SPATA13: variants seen among roughly 807,000 people sequenced by gnomAD.
The protein encoded by SPATA13 is spermatogenesis-associated protein 13.
A neutral mutation model predicts 104.0 loss-of-function variants in SPATA13; 50 were observed. The observed-to-expected ratio is 0.48, with a 90% confidence interval of 0.38 to 0.61. The LOEUF (loss-of-function observed/expected upper bound fraction) is 0.61. Among genes scored for constraint, SPATA13 ranks in the 20% least tolerant of loss-of-function variants. The pLI, the probability that SPATA13 is intolerant of heterozygous loss-of-function variation, is 0.00. For missense variants in SPATA13, 1,524 were observed against 1,690.6 expected, an observed-to-expected ratio of 0.90 and a Z score of 1.73; for synonymous variants, 606 against 667.5, an observed-to-expected ratio of 0.91 and a Z score of 1.42.
rs139571252 is a variant in SPATA13, at chr13:24,014,011, C to G, written c.-146-3656C>G. Among the ~76,000 whole-genome samples the G allele has an allele frequency of 2.0e-3, 300 of 152,238 alleles. 2 individuals carry two copies. Among genetic ancestry groups the G allele is most frequent in the African/African-American group, 7.1e-3 (293 of 41,544 alleles). On this transcript the variant is annotated intron_variant, in intron 2 of 14. Transcript: ENST00000424834. The stretch of plus-strand genomic sequence containing the variant: ...AGAGTCAGAGCCTCCAAACCCGTCA[C>G]GCAAAGGGGCTGTATACGCTTGCTA...
At chr13:24,267,121 A>G (rs1214689411) in intron 4 of SPATA13, among the ~76,000 whole-genome samples, 2 of 152,036 alleles carry the variant, frequency 1.3e-5, no homozygotes, top group Non-Finnish European at 1.5e-5. Flanking sequence ...TTCTTCCAAA[A>G]CTATCTTAGA....
chr13:24,254,699 G>T (rs78683705), intron 4 of SPATA13, among the ~76,000 whole-genome samples: 10,643 of 152,298 alleles, frequency 0.07, 621 homozygotes, highest in African/African-American at 0.15. Context: ...GCAAGGGGCT[G>T]TCTGGTTCCT....
intron 3 of SPATA13, among the ~76,000 whole-genome samples, chr13:24,132,844 C>T (rs1360408533): frequency 6.6e-6 from 1 of 152,116 alleles, no homozygotes; most frequent in Non-Finnish European, 1.5e-5. Context: ...CGTGGTGGCA[C>T]ACGTCTGTAG....
chr13:24,108,645 G>A (rs1304906350), intron 3 of SPATA13, among the ~76,000 whole-genome samples: 2 of 108,798 alleles, frequency 1.8e-5, no homozygotes, highest in Non-Finnish European at 3.8e-5. Context: ...GTAAATGCCG[G>A]CTGCTTTTCA....
intron 3 of SPATA13, among the ~76,000 whole-genome samples, chr13:24,086,759 G>A (rs1358964187): frequency 1.3e-5 from 2 of 152,118 alleles, no homozygotes; most frequent in Non-Finnish European, 1.5e-5. Context: ...CAGCAGAAGC[G>A]GGTGCAGAGC....
At chr13:24,037,781 G>A (rs1471860780) in intron 3 of SPATA13, among the ~76,000 whole-genome samples, 2 of 151,954 alleles carry the variant, frequency 1.3e-5, no homozygotes, top group African/African-American at 4.8e-5. Flanking sequence ...TCTGGGGTTC[G>A]TGGATTAGCT....
intron 3 of SPATA13, among the ~76,000 whole-genome samples, chr13:24,074,517 A>T (rs930384333): frequency 2.0e-5 from 3 of 149,008 alleles, no homozygotes; most frequent in Non-Finnish European, 3.0e-5. Flanking sequence ...ACTGTCCCTT[A>T]TGCAGCACTT....
At chr13:24,270,993 C>T (rs1310646196) in intron 4 of SPATA13, 4 of 469,656 alleles carry the variant, frequency 8.5e-6, no homozygotes, top group South Asian at 6.3e-5. Context: ...AGTTCTTCCC[C>T]TCTCTCTCTC....
intron 3 of SPATA13, among the ~76,000 whole-genome samples, chr13:24,055,098 G>A (rs568760085): frequency 2.6e-5 from 4 of 152,234 alleles, no homozygotes; most frequent in Non-Finnish European, 5.9e-5. Context: ...GCCTCCAGCA[G>A]CCTGAAGGTT....
Position 24,286,506 on chromosome 13 carries a change from T to G in SPATA13, c.2481+113T>G. The G allele has an allele frequency of 1.7e-6, 2 of 1,159,374 alleles. No individual in the cohort carries two copies. 71.8% of individuals were successfully genotyped at this position (1,159,374 alleles called of 1,614,324 possible). A position where few individuals can be genotyped will look rare whatever the true frequency, so the allele number is the denominator to read the frequency against. ...GCTCTTTTGTAATTGATATCTGACA[T>G]GCAAGTCACACCTGTAAGAAATTAG... On this transcript the variant is annotated intron_variant, in intron 6 of 12. Transcript: ENST00000382108. The surrounding 1 kb of genome is among the most constrained non-coding windows in gnomAD (Gnocchi z 4.9).
At chr13:24,082,617 G>A (rs1341187424) in intron 3 of SPATA13, among the ~76,000 whole-genome samples, 2 of 151,006 alleles carry the variant, frequency 1.3e-5, no homozygotes, top group East Asian at 1.9e-4. Flanking sequence ...TCAGGAGATC[G>A]AGACCATCCT....
At chr13:24,133,819 G>A (rs1476701097) in intron 3 of SPATA13, among the ~76,000 whole-genome samples, 1 of 152,174 alleles carries the variant, frequency 6.6e-6, no homozygotes, top group Admixed American at 6.5e-5. Context: ...GTCCAAAGGG[G>A]CAAGGGGACA....
chr13:24,290,715 G>A lies in SPATA13; in HGVS notation c.2911G>A (p.Ala971Thr), dbSNP rs772619502. Residue 971 changes from alanine to threonine, a missense_variant, in exon 9 of 13, where the codon GCC (alanine) becomes ACC (threonine). Ala to Thr is a moderately conservative substitution (Grantham distance 58). Coordinates refer to ENST00000382108, the MANE Select transcript of SPATA13 (RefSeq NM_001166271.3). The stretch of plus-strand genomic sequence containing the variant: ...CCACCCGGGCGCCTGCCTGGAGCTC[G>A]CCAACCTCATGAAGCAGGGCAAGTA... ...NNHPGACLEL[A>T]NLMKQGKYRH... 51 of 1,614,044 alleles carry A rather than the reference G, an allele frequency of 3.2e-5. No individual in the cohort carries two copies. Among genetic ancestry groups the A allele is most frequent in the Non-Finnish European group, 3.8e-5 (45 of 1,180,044 alleles).
chr13:24,157,779 A>G (rs747833981), upstream of SPATA13, among the ~76,000 whole-genome samples: 7 of 152,158 alleles, frequency 4.6e-5, no homozygotes, highest in Non-Finnish European at 8.8e-5. Context: ...GCTTCTCCCC[A>G]ACCCTGGGGG....
At chr13:24,215,406 C>T (rs1871219380) in intron 1 of SPATA13, among the ~76,000 whole-genome samples, 1 of 152,190 alleles carries the variant, frequency 6.6e-6, no homozygotes, top group Non-Finnish European at 1.5e-5. Flanking sequence ...AGGGCCTCTT[C>T]TGGGCCTCTG....
At chr13:24,278,131 A>C (rs1875156557) in intron 4 of SPATA13, among the ~76,000 whole-genome samples, 1 of 152,240 alleles carries the variant, frequency 6.6e-6, no homozygotes, top group African/African-American at 2.4e-5. Flanking sequence ...GCTGCTCTCC[A>C]GAATGGGAGC....
chr13:24,189,540 A>G (rs1439699644), intron 1 of SPATA13, among the ~76,000 whole-genome samples: 1 of 135,394 alleles, frequency 7.4e-6, no homozygotes, highest in East Asian at 2.0e-4. Context: ...ACATATTTAT[A>G]TTTAAATATA....
chr13:24,103,942 T>C (rs1462603313), intron 3 of SPATA13, among the ~76,000 whole-genome samples: 3 of 152,200 alleles, frequency 2.0e-5, no homozygotes, highest in African/African-American at 4.8e-5. Context: ...TGTCACTTTC[T>C]CTGTGATTAG....
intron 2 of SPATA13, among the ~76,000 whole-genome samples, chr13:23,990,906 C>A (rs1875380928): frequency 6.6e-6 from 1 of 152,132 alleles, no homozygotes; most frequent in Non-Finnish European, 1.5e-5. Context: ...TGGGATGAGA[C>A]CCTGAGTGTC....
Sources: gnomAD v4.1 joint callset for allele counts (sites outside exome capture counted in the v4.1 genomes callset) on GRCh38, gnomAD v4.1.1 for gene constraint, Gnocchi (gnomAD v3.1) non-coding constraint, MANE v1.5 for transcripts, NCBI Gene and HGNC (gene_info 2026-07-23, HGNC 2026-07-21) for gene names.